CAB39: variants seen among roughly 807,000 people sequenced by gnomAD.
The protein encoded by CAB39 is calcium-binding protein 39.
CAB39 carries 8 observed loss-of-function variants against 40.0 expected under a neutral mutation model. That is an observed-to-expected ratio of 0.20 (90% confidence interval 0.12 to 0.36). The LOEUF (loss-of-function observed/expected upper bound fraction) is 0.36. CAB39 is among the 10% of genes least tolerant of loss of function. The pLI, the probability that CAB39 is intolerant of heterozygous loss-of-function variation, is 1.00. For synonymous variants in CAB39, 156 were observed against 141.6 expected (o/e 1.10, Z -0.72); for missense variants, 270 against 401.1 (o/e 0.67, Z 2.79).
At chr2:230,806,027 A>C (rs1337589383) in intron 5 of CAB39, among the ~76,000 whole-genome samples, 1 of 152,214 alleles carries the variant, frequency 6.6e-6, no homozygotes, top group African/African-American at 2.4e-5. Context: ...AGCAGGATGA[A>C]GTTAAATACA....
chr2:230,741,717 C>G (rs1009453404), intron 1 of CAB39, among the ~76,000 whole-genome samples: 1 of 152,136 alleles, frequency 6.6e-6, no homozygotes, highest in African/African-American at 2.4e-5. Flanking sequence ...AAAATATCCT[C>G]AAATCTTAGA....
At chr2:230,804,424 A>G (rs1696152575) in intron 5 of CAB39, among the ~76,000 whole-genome samples, 1 of 152,252 alleles carries the variant, frequency 6.6e-6, no homozygotes, top group African/African-American at 2.4e-5. Flanking sequence ...GAGCTTCTGC[A>G]CAGCAAAAGA....
At chr2:230,798,459 A>G (rs1052909639) in intron 4 of CAB39, among the ~76,000 whole-genome samples, 4 of 152,214 alleles carry the variant, frequency 2.6e-5, no homozygotes, top group African/African-American at 9.6e-5. Context: ...AGCTTAAATA[A>G]TGAACCTTTA....
chr2:230,789,604 C>G (rs1246756601), intron 2 of CAB39, among the ~76,000 whole-genome samples: 1 of 152,196 alleles, frequency 6.6e-6, no homozygotes, highest in Non-Finnish European at 1.5e-5. Context: ...CATGTGAGCT[C>G]CAAGGTTCTG....
chr2:230,756,045 G>A (rs1354540777), intron 1 of CAB39, among the ~76,000 whole-genome samples: 2 of 152,170 alleles, frequency 1.3e-5, no homozygotes, highest in Non-Finnish European at 2.9e-5. Context: ...TCCCCCCCGG[G>A]AGAAAGCAGT....
At chr2:230,792,221 T>G (rs1695904522) in intron 3 of CAB39, among the ~76,000 whole-genome samples, 11 of 152,238 alleles carry the variant, frequency 7.2e-5, no homozygotes, top group Non-Finnish European at 1.5e-4. Flanking sequence ...ACAATTTGTA[T>G]TTCCTCTGCA....
intron 1 of CAB39, among the ~76,000 whole-genome samples, chr2:230,758,247 G>A (rs1695227537): frequency 6.8e-6 from 1 of 147,346 alleles, no homozygotes; most frequent in Non-Finnish European, 1.5e-5. Context: ...AGATTACAGT[G>A]AGCCAAGATT....
At chr2:230,734,904 G>GC (rs1694759595) in intron 1 of CAB39, among the ~76,000 whole-genome samples, 1 of 152,178 alleles carries the variant, frequency 6.6e-6, no homozygotes, top group African/African-American at 2.4e-5. Context: ...TTATTAGTCT[G>GC]CTGGTCTAAA....
intron 1 of CAB39, among the ~76,000 whole-genome samples, chr2:230,731,052 T>A (rs1694679665): frequency 6.6e-6 from 1 of 152,236 alleles, no homozygotes; most frequent in Non-Finnish European, 1.5e-5. Context: ...TTCATACCTC[T>A]ACTAAACAGC....
At chr2:230,766,621 C>T (rs1695390731) in intron 2 of CAB39, among the ~76,000 whole-genome samples, 1 of 152,230 alleles carries the variant, frequency 6.6e-6, no homozygotes, top group Non-Finnish European at 1.5e-5. Flanking sequence ...CTGCAGCTTC[C>T]ACCTCCCGGG....
At chr2:230,813,366 C>G (rs759019270) in intron 6 of CAB39, among the ~76,000 whole-genome samples, 35 of 152,250 alleles carry the variant, frequency 2.3e-4, no homozygotes, top group Admixed American at 1.6e-3. Context: ...AAATTTGTGG[C>G]ATTTTGTTCT....
At chr2:230,742,020 C>T (rs955114044) in intron 1 of CAB39, among the ~76,000 whole-genome samples, 1 of 152,096 alleles carries the variant, frequency 6.6e-6, no homozygotes. Context: ...CAGAAAGATA[C>T]CATTGCTTGA....
chr2:230,767,588 T>C (rs1695410544), intron 2 of CAB39, among the ~76,000 whole-genome samples: 1 of 152,210 alleles, frequency 6.6e-6, no homozygotes, highest in African/African-American at 2.4e-5. Context: ...TCTCGTGAGC[T>C]AAGAATGGTT....
intron 6 of CAB39, among the ~76,000 whole-genome samples, chr2:230,813,653 G>C (rs146862771): frequency 6.6e-6 from 1 of 152,114 alleles, no homozygotes; most frequent in East Asian, 1.9e-4. Flanking sequence ...TAAAATACGA[G>C]TTTTTCAATC....
chr2:230,781,008 G>C (rs1036794395), intron 2 of CAB39, among the ~76,000 whole-genome samples: 1 of 151,950 alleles, frequency 6.6e-6, no homozygotes, highest in African/African-American at 2.4e-5. Flanking sequence ...CTTGAGCCTG[G>C]GAGGTCAAGG....
intron 2 of CAB39, among the ~76,000 whole-genome samples, chr2:230,772,230 A>G (rs964634903): frequency 1.1e-4 from 16 of 152,196 alleles, no homozygotes; most frequent in African/African-American, 3.9e-4. Context: ...GTTAGAAACA[A>G]TCCAGTTAAG....
At chr2:230,771,258 T>G (rs944149354) in intron 2 of CAB39, among the ~76,000 whole-genome samples, 4 of 151,754 alleles carry the variant, frequency 2.6e-5, no homozygotes. Flanking sequence ...AGTCCAAAAT[T>G]GAAATTTAAA....
At chr2:230,739,960 C>A (rs1198611682) in intron 1 of CAB39, among the ~76,000 whole-genome samples, 2 of 152,102 alleles carry the variant, frequency 1.3e-5, no homozygotes, top group African/African-American at 4.8e-5. Flanking sequence ...TTATAAAATC[C>A]CCTTAGTGGG....
Position 230,791,168 on chromosome 2 carries a change from G to T in CAB39, c.279+132G>T, listed in dbSNP as rs1695886651. ...CAGGGTTACTGACCTCTGTCAGCAT[G>T]CCTGGGCTGCCTGCCTGATTAGCAG... On this transcript the variant is annotated intron_variant, in intron 3 of 8. Coordinates refer to ENST00000258418, the MANE Select transcript of CAB39 (RefSeq NM_016289.4). 27 of 634,802 alleles carry T rather than the reference G, an allele frequency of 4.3e-5. 1 individual carries two copies. The South Asian group carries it at 6.3e-4, about 15-fold the overall frequency. 39.3% of individuals were successfully genotyped at this position (634,802 alleles called of 1,614,324 possible).
Sources: gnomAD v4.1 joint callset for allele counts (sites outside exome capture counted in the v4.1 genomes callset) on GRCh38, gnomAD v4.1.1 for gene constraint, MANE v1.5 for transcripts, NCBI Gene and HGNC (gene_info 2026-07-23, HGNC 2026-07-21) for gene names.